Variants in GRIK3 observed in about 807,000 individuals in gnomAD.
GRIK3 encodes the protein glutamate receptor ionotropic, kainate 3.
A neutral mutation model predicts 102.5 loss-of-function variants in GRIK3; 29 were observed. That is an observed-to-expected ratio of 0.28 (90% CI 0.21 to 0.39). The LOEUF (loss-of-function observed/expected upper bound fraction) is 0.39, where lower values mean the gene tolerates loss of function less well. Among genes scored for constraint, GRIK3 ranks in the 10% least tolerant of loss-of-function variants. The pLI, the probability that GRIK3 is intolerant of heterozygous loss-of-function variation, is 1.00. For missense variants in GRIK3, 908 were observed against 1,252.4 expected, an observed-to-expected ratio of 0.73 and a Z score of 4.15; for synonymous variants, 511 against 504.9, an observed-to-expected ratio of 1.01 and a Z score of -0.16.
intron 1 of GRIK3, among the ~76,000 whole-genome samples, chr1:37,027,772 G>A (rs139414003): frequency 7.8e-4 from 118 of 152,242 alleles, no homozygotes; most frequent in African/African-American, 2.4e-3. Context: ...TTTGGGCAGT[G>A]CAGCTTCCCC....
Position 36,859,091 on chromosome 1 carries a change from G to T in GRIK3, c.1104+17C>A. 3 of 1,595,388 alleles carry T rather than the reference G, an allele frequency of 1.9e-6. No individual in the cohort carries two copies. The highest frequency in any genetic ancestry group is 1.1e-5 in the South Asian group (1 of 89,076). ...GTCCCGGGGAGACAACACTGGTGGG[G>T]GCTGTGGGGCACTCACCTCCTTGAT... On this transcript the variant is annotated intron_variant, in intron 7 of 15. Transcript: ENST00000373091.
At chr1:36,857,497 C>T (rs930703067) in intron 7 of GRIK3, among the ~76,000 whole-genome samples, 1 of 152,198 alleles carries the variant, frequency 6.6e-6, no homozygotes, top group African/African-American at 2.4e-5. Context: ...GGTGAAGGAA[C>T]TACAAGGGAC....
intron 1 of GRIK3, among the ~76,000 whole-genome samples, chr1:37,020,849 C>T (rs1331428767): frequency 1.3e-5 from 2 of 152,178 alleles, no homozygotes; most frequent in African/African-American, 2.4e-5. Flanking sequence ...CACCGGCTAC[C>T]CCCGGCCCTG....
intron 1 of GRIK3, among the ~76,000 whole-genome samples, chr1:36,935,359 T>C (rs759087494): frequency 3.3e-5 from 5 of 152,202 alleles, no homozygotes; most frequent in Non-Finnish European, 7.4e-5. Flanking sequence ...AAGGTCACCA[T>C]AGACTGTGAA....
intron 1 of GRIK3, 123 bp from the exon 2 acceptor site, chr1:36,891,219 G>T (rs112034658): frequency 3.0e-6 from 2 of 676,020 alleles, no homozygotes; most frequent in African/African-American, 3.6e-5. Flanking sequence ...TAATATCCTA[G>T]GTAACTGCCA....
At chr1:36,860,995 G>A (rs1191318854) in intron 5 of GRIK3, among the ~76,000 whole-genome samples, 1 of 152,194 alleles carries the variant, frequency 6.6e-6, no homozygotes, top group African/African-American at 2.4e-5. Flanking sequence ...GGGTTAATTT[G>A]CAGAATTTTG....
At chr1:36,899,128 A>G (rs1439915289) in intron 1 of GRIK3, among the ~76,000 whole-genome samples, 1 of 152,190 alleles carries the variant, frequency 6.6e-6, no homozygotes. Context: ...TTTGGCAACA[A>G]TCTCTTGGAT....
chr1:36,957,874 C>T (rs145854697), intron 1 of GRIK3, among the ~76,000 whole-genome samples: 1 of 64,554 alleles, frequency 1.5e-5, no homozygotes, highest in African/African-American at 9.0e-5. Flanking sequence ...TGCCCCGTGA[C>T]TCTGTGCCCC....
intron 8 of GRIK3, among the ~76,000 whole-genome samples, chr1:36,851,540 T>A (rs1267316854): frequency 6.6e-6 from 1 of 152,242 alleles, no homozygotes; most frequent in African/African-American, 2.4e-5. Flanking sequence ...AGGAGGTGCT[T>A]GGCAAACATC....
chr1:36,873,868 C>T (rs750380321), intron 3 of GRIK3, among the ~76,000 whole-genome samples: 1 of 152,166 alleles, frequency 6.6e-6, no homozygotes, highest in African/African-American at 2.4e-5. Flanking sequence ...CCCTTTTTCA[C>T]TCAACTTCAA....
At chr1:36,822,384 C>T (rs1266468652) in intron 11 of GRIK3, among the ~76,000 whole-genome samples, 4 of 152,152 alleles carry the variant, frequency 2.6e-5, no homozygotes, top group Non-Finnish European at 5.9e-5. Context: ...AAAGCATGCA[C>T]GGTGCCCATT....
At position 36,841,741 on chromosome 1, in the gene GRIK3, C is replaced by G; in HGVS notation, c.1525G>C (p.Asp509His). 2 of 1,613,656 alleles carry G rather than the reference C, an allele frequency of 1.2e-6. No homozygotes were observed. The highest frequency in any genetic ancestry group is 1.7e-6 in the Non-Finnish European group (2 of 1,179,580). ...QWNGMVKELI[D>H]HKADLAVAPL... The stretch of plus-strand genomic sequence containing the variant: ...ATGCTCCCATCCATGCTTACGTGGT[C>G]GATGAGCTCCTTGACCATGCCGTTC... Residue 509 changes from aspartate (D) to histidine (H), a missense_variant, in exon 10 of 16, where the codon GAC becomes CAC. By Grantham distance (81) the Asp-to-His change is moderately conservative. Transcript: ENST00000373091.
chr1:36,912,097 C>T (rs1159063114), intron 1 of GRIK3, among the ~76,000 whole-genome samples: 5 of 152,180 alleles, frequency 3.3e-5, no homozygotes, highest in Non-Finnish European at 7.4e-5. Context: ...ACTCCCTTCA[C>T]GCACACCTTC....
chr1:36,973,120 A>C (rs1302425645), intron 1 of GRIK3, among the ~76,000 whole-genome samples: 1 of 152,114 alleles, frequency 6.6e-6, no homozygotes, highest in Non-Finnish European at 1.5e-5. Context: ...CCCTTCATGC[A>C]CCTAACCCTC....
intron 1 of GRIK3, among the ~76,000 whole-genome samples, chr1:37,008,603 G>A (rs920382917): frequency 6.6e-6 from 1 of 152,184 alleles, no homozygotes; most frequent in Admixed American, 6.5e-5. Flanking sequence ...ATGAAGAGAC[G>A]GGGACACAGG....
At position 37,034,066 on chromosome 1, in the gene GRIK3, A is replaced by G. The variant is rs762028965; in HGVS notation, c.43T>C (p.Tyr15His). The change falls in exon 1 of 16, where the codon TAC becomes CAC. Residue 15 changes from tyrosine (Y) to histidine (H), a missense_variant. By Grantham distance (83) the Tyr-to-His change is moderately conservative. Around this residue, in one of 3 missense-constraint regions of GRIK3, gnomAD observed 585 missense variants for 824.9 expected, o/e 0.71. Coordinates refer to ENST00000373091, the MANE Select transcript of GRIK3 (RefSeq NM_000831.4). ...WRRLRSLVWE[Y>H]WAGLLVCAFW... ...GCGCACACGAGGAGCCCGGCCCAGTATTCCCAAACCAGACTCCGGAGGCGC... is the reference window on the plus strand; with the variant it reads ...GCGCACACGAGGAGCCCGGCCCAGTGTTCCCAAACCAGACTCCGGAGGCGC... 1 of 1,604,792 alleles carries G rather than the reference A, an allele frequency of 6.2e-7. No homozygotes were observed.
chr1:36,910,056 C>G (rs1641328336), intron 1 of GRIK3, among the ~76,000 whole-genome samples: 1 of 152,130 alleles, frequency 6.6e-6, no homozygotes, highest in African/African-American at 2.4e-5. Flanking sequence ...GTTTAGGTGT[C>G]CTCTGGAACC....
At chr1:36,884,097 C>A (rs1209463409) in intron 2 of GRIK3, among the ~76,000 whole-genome samples, 2 of 152,136 alleles carry the variant, frequency 1.3e-5, no homozygotes, top group Admixed American at 6.5e-5. Context: ...ACCCAGGATT[C>A]ATTGTGGCCA....
intron 10 of GRIK3, among the ~76,000 whole-genome samples, chr1:36,834,632 C>T (rs57959278): frequency 5.9e-5 from 9 of 152,224 alleles, no homozygotes; most frequent in Non-Finnish European, 1.2e-4. Flanking sequence ...TGAGTCCCCA[C>T]GGGGACCAGC....
Sources: gnomAD v4.1 joint callset for allele counts (sites outside exome capture counted in the v4.1 genomes callset) on GRCh38, gnomAD v4.1.1 for gene constraint, gnomAD v4.1.1 regional missense constraint, MANE v1.5 for transcripts, NCBI Gene and HGNC (gene_info 2026-07-23, HGNC 2026-07-21) for gene names.